The following ULK4 variants were observed in gnomAD, a reference collection of about 807,000 sequenced individuals.
The protein encoded by ULK4 is unc-51 like kinase 4.
ULK4 carries 133 observed loss-of-function variants against 160.6 expected under a neutral mutation model. The ratio of observed to expected loss-of-function variants is 0.83; its 90% confidence interval spans 0.72 to 0.96. The LOEUF (loss-of-function observed/expected upper bound fraction) is 0.96. ULK4 is among the 40% of genes least tolerant of loss of function. The probability of loss-of-function intolerance (pLI) is 0.00; values close to 1 mark genes in which losing one functional copy is unlikely to be tolerated. For synonymous variants in ULK4, 534 were observed against 539.8 expected (o/e 0.99, Z 0.15); for missense variants, 1,580 against 1,499.5 (o/e 1.05, Z -0.89).
At chr3:41,655,420 T>C (rs987566358) in intron 30 of ULK4, among the ~76,000 whole-genome samples, 15 of 151,422 alleles carry the variant, frequency 9.9e-5, no homozygotes, top group African/African-American at 2.7e-4. Context: ...GAGATATACC[T>C]AATGCTAAAT....
At chr3:41,918,414 G>A (rs781520068) in intron 7 of ULK4, 43 bp downstream of exon 7, 2 of 1,367,152 alleles carry the variant, frequency 1.5e-6, no homozygotes, top group East Asian at 4.7e-5. Flanking sequence ...CCTTTAATCA[G>A]TGTAAAATGT....
At chr3:41,549,038 G>C (rs2086969929) in intron 32 of ULK4, among the ~76,000 whole-genome samples, 1 of 152,052 alleles carries the variant, frequency 6.6e-6, no homozygotes, top group Non-Finnish European at 1.5e-5. Flanking sequence ...ACATCTACAG[G>C]AAAAAAGTCT....
chr3:41,615,571 G>A (rs1575485802), intron 31 of ULK4, 98 bp downstream of exon 31: 2 of 1,159,246 alleles, frequency 1.7e-6, no homozygotes, highest in Middle Eastern at 2.0e-4. Context: ...AATCCTTCAG[G>A]GCAGAGGCAG....
intron 27 of ULK4, among the ~76,000 whole-genome samples, chr3:41,700,546 T>G (rs2052428541): frequency 6.6e-6 from 1 of 152,184 alleles, no homozygotes; most frequent in African/African-American, 2.4e-5. Flanking sequence ...GATGCTGATC[T>G]GAGGTACTGT....
chr3:41,624,490 TCTC>T (rs2033398387), intron 30 of ULK4, among the ~76,000 whole-genome samples: 1 of 152,214 alleles, frequency 6.6e-6, no homozygotes, highest in Non-Finnish European at 1.5e-5. Flanking sequence ...AGCTAGTTCT[TCTC>T]CAGGTCTCTG....
Position 41,895,613 on chromosome 3 carries a change from A to C in ULK4, c.1531-49T>G, listed in dbSNP as rs1208885381. ...AAGAAAAGAAAAAATTAAAATGTTT[A>C]AGTCACAAAACACAGAAAATGACAG... On this transcript the variant is annotated intron_variant, in intron 15 of 36. Coordinates refer to ENST00000301831, the MANE Select transcript of ULK4 (RefSeq NM_017886.4). 2.4e-6 allele frequency: 3 copies of C among 1,238,424 alleles called. No homozygotes were observed. In the East Asian group the frequency reaches 8.5e-5, roughly 35 times the overall value. 76.7% of individuals were successfully genotyped at this position (1,238,424 alleles called of 1,614,324 possible).
intron 35 of ULK4, among the ~76,000 whole-genome samples, chr3:41,355,396 A>G (rs1027869988): frequency 2.6e-5 from 4 of 152,196 alleles, no homozygotes; most frequent in African/African-American, 9.6e-5. Context: ...TTCTACTTAT[A>G]GATCAATTAT....
chr3:41,325,826 G>A (rs2080330191), intron 35 of ULK4, among the ~76,000 whole-genome samples: 1 of 152,036 alleles, frequency 6.6e-6, no homozygotes, highest in Non-Finnish European at 1.5e-5. Flanking sequence ...GGCTGAGGCA[G>A]GTGAATTGCT....
At chr3:41,820,585 C>CA (rs147904322) in intron 18 of ULK4, among the ~76,000 whole-genome samples, 112 of 152,122 alleles carry the variant, frequency 7.4e-4, no homozygotes, top group African/African-American at 2.6e-3. Context: ...TGAATACACA[C>CA]AGACAGAAGA....
intron 32 of ULK4, among the ~76,000 whole-genome samples, chr3:41,470,659 T>C (rs888853175): frequency 6.6e-6 from 1 of 152,044 alleles, no homozygotes; most frequent in Non-Finnish European, 1.5e-5. Flanking sequence ...ACAGCTAAAA[T>C]AAACTGTTAA....
At chr3:41,542,813 T>G (rs2086739533) in intron 32 of ULK4, among the ~76,000 whole-genome samples, 1 of 152,140 alleles carries the variant, frequency 6.6e-6, no homozygotes, top group African/African-American at 2.4e-5. Flanking sequence ...TGCATAGAGG[T>G]ATTTCTAGTA....
At chr3:41,255,750 A>G (rs943089809) in intron 35 of ULK4, among the ~76,000 whole-genome samples, 7 of 152,234 alleles carry the variant, frequency 4.6e-5, no homozygotes, top group Non-Finnish European at 8.8e-5. Context: ...GACAGAATTA[A>G]AGTGAGAATT....
intron 35 of ULK4, among the ~76,000 whole-genome samples, chr3:41,345,028 GC>G (rs2080771100): frequency 6.6e-6 from 1 of 152,090 alleles, no homozygotes; most frequent in Non-Finnish European, 1.5e-5. Context: ...ATGAAAAAAA[GC>G]CCAACATCAC....
chr3:41,530,470 T>C (rs2086266848), intron 32 of ULK4, among the ~76,000 whole-genome samples: 1 of 152,154 alleles, frequency 6.6e-6, no homozygotes, highest in South Asian at 2.1e-4. Flanking sequence ...CATTTAAGGA[T>C]TAGTAGGACT....
intron 35 of ULK4, among the ~76,000 whole-genome samples, chr3:41,375,988 C>A (rs1207095316): frequency 6.7e-6 from 1 of 150,320 alleles, no homozygotes; most frequent in Non-Finnish European, 1.5e-5. Context: ...TGAACAGACA[C>A]TTCTCAAACG....
chr3:41,762,320 G>A (rs938509739), intron 21 of ULK4, among the ~76,000 whole-genome samples: 1 of 151,492 alleles, frequency 6.6e-6, no homozygotes, highest in African/African-American at 2.4e-5. Context: ...CCATCATTCT[G>A]TTCTTTATTT....
intron 22 of ULK4, among the ~76,000 whole-genome samples, chr3:41,742,727 T>C (rs1451599898): frequency 6.6e-6 from 1 of 151,960 alleles, no homozygotes; most frequent in Non-Finnish European, 1.5e-5. Context: ...CAAATTCTCT[T>C]AAAACTAATG....
intron 31 of ULK4, among the ~76,000 whole-genome samples, chr3:41,577,358 A>G (rs1191498805): frequency 3.3e-5 from 5 of 152,218 alleles, no homozygotes; most frequent in South Asian, 2.1e-4. Flanking sequence ...TTGTGAATAC[A>G]TAAGAGGTGT....
chr3:41,440,467 T>C (rs1388531427), intron 34 of ULK4, among the ~76,000 whole-genome samples: 6 of 152,158 alleles, frequency 3.9e-5, no homozygotes, highest in African/African-American at 1.2e-4. Context: ...ACTTGATTGA[T>C]TTTTAAATAT....
Sources: gnomAD v4.1 joint callset for allele counts (sites outside exome capture counted in the v4.1 genomes callset) on GRCh38, gnomAD v4.1.1 for gene constraint, MANE v1.5 for transcripts, NCBI Gene and HGNC (gene_info 2026-07-23, HGNC 2026-07-21) for gene names.